The following GRM7 variants were observed in gnomAD, a reference collection of about 807,000 sequenced individuals.
GRM7 encodes glutamate metabotropic receptor 7.
GRM7 carries 35 observed loss-of-function variants against 84.5 expected under a neutral mutation model. The ratio of observed to expected loss-of-function variants is 0.41; its 90% CI spans 0.32 to 0.55. The LOEUF (loss-of-function observed/expected upper bound fraction) is 0.55, where lower values mean the gene tolerates loss of function less well. GRM7 is among the 20% of genes least tolerant of loss of function. GRM7 has a pLI of 0.19. For synonymous variants in GRM7, 487 were observed against 455.1 expected, an observed-to-expected ratio of 1.07 and a Z score of -0.89; for missense variants, 1,003 against 1,194.6, an observed-to-expected ratio of 0.84 and a Z score of 2.36.
chr3:6,997,401 G>A (rs1269122971), intron 1 of GRM7, among the ~76,000 whole-genome samples: 1 of 152,150 alleles, frequency 6.6e-6, no homozygotes, highest in East Asian at 1.9e-4. Context: ...GGACACCTCA[G>A]GAAGCTTACA....
intron 1 of GRM7, among the ~76,000 whole-genome samples, chr3:7,058,245 C>T (rs1006084293): frequency 3.3e-5 from 5 of 151,818 alleles, no homozygotes; most frequent in African/African-American, 1.2e-4. Flanking sequence ...AGATAGAATT[C>T]CCTCTCTAAG....
chr3:7,294,590 C>G (rs566793384), intron 2 of GRM7, among the ~76,000 whole-genome samples: 6 of 151,318 alleles, frequency 4.0e-5, no homozygotes, highest in Admixed American at 2.0e-4. Flanking sequence ...AAATGTTTGG[C>G]TAGAATATCA....
At chr3:7,390,938 C>T (rs1694966154) in intron 4 of GRM7, among the ~76,000 whole-genome samples, 1 of 152,002 alleles carries the variant, frequency 6.6e-6, no homozygotes, top group Non-Finnish European at 1.5e-5. Context: ...TTTTAATTGC[C>T]AGCATTCTTG....
intron 1 of GRM7, among the ~76,000 whole-genome samples, chr3:7,122,126 T>C (rs1559454707): frequency 6.6e-6 from 1 of 152,188 alleles, no homozygotes; most frequent in Non-Finnish European, 1.5e-5. Context: ...TGGTGTTCTG[T>C]TATAGCAGCA....
chr3:7,567,808 T>C (rs1049351884), intron 7 of GRM7, among the ~76,000 whole-genome samples: 15 of 128,784 alleles, frequency 1.2e-4, no homozygotes, highest in African/African-American at 4.2e-4. Flanking sequence ...GGATGACTTA[T>C]ATGCAAGGGT....
chr3:6,918,627 T>A (rs1697021239), intron 1 of GRM7, among the ~76,000 whole-genome samples: 1 of 152,312 alleles, frequency 6.6e-6, no homozygotes, highest in Non-Finnish European at 1.5e-5. Flanking sequence ...GCTCACTACA[T>A]GTCAAGTACT....
At chr3:7,450,732 A>G (rs1300519837) in intron 5 of GRM7, among the ~76,000 whole-genome samples, 1 of 152,006 alleles carries the variant, frequency 6.6e-6, no homozygotes, top group Non-Finnish European at 1.5e-5. Flanking sequence ...AAAAAATCCT[A>G]TACTATATAC....
chr3:7,696,372 C>A (rs1701019876), intron 9 of GRM7, among the ~76,000 whole-genome samples: 1 of 152,142 alleles, frequency 6.6e-6, no homozygotes, highest in Admixed American at 6.5e-5. Context: ...GAACCTAATT[C>A]TTGAAAAGGA....
intron 1 of GRM7, among the ~76,000 whole-genome samples, chr3:7,033,502 ACTT>A (rs1463709533): frequency 1.3e-5 from 2 of 152,056 alleles, no homozygotes; most frequent in African/African-American, 4.8e-5. Context: ...TAACTGTAAA[ACTT>A]CTTCTCATGC....
intron 4 of GRM7, among the ~76,000 whole-genome samples, chr3:7,336,757 G>A (rs1701437032): frequency 6.6e-6 from 1 of 151,452 alleles, no homozygotes; most frequent in East Asian, 1.9e-4. Context: ...GAGCGACCAA[G>A]CTGAGAATGA....
chr3:6,968,523 A>G (rs1168986097), intron 1 of GRM7, among the ~76,000 whole-genome samples: 2 of 152,220 alleles, frequency 1.3e-5, no homozygotes, highest in Non-Finnish European at 2.9e-5. Context: ...TTATTGAGAG[A>G]ATGAAGTGGG....
chr3:7,351,311 T>G (rs1304111190), intron 4 of GRM7, among the ~76,000 whole-genome samples: 1 of 136,290 alleles, frequency 7.3e-6, no homozygotes, highest in Non-Finnish European at 1.5e-5. Flanking sequence ...TCTCCCAATA[T>G]TCACTCAGTT....
chr3:7,304,552 C>T (rs536393553), intron 3 of GRM7, among the ~76,000 whole-genome samples: 84 of 151,662 alleles, frequency 5.5e-4, no homozygotes, highest in Middle Eastern at 3.4e-3. Flanking sequence ...ACTCTATTTT[C>T]TCTGTACGTT....
intron 1 of GRM7, among the ~76,000 whole-genome samples, chr3:6,913,611 C>A (rs141404189): frequency 2.0e-5 from 3 of 152,218 alleles, no homozygotes; most frequent in African/African-American, 7.2e-5. Context: ...TTGCAGACCT[C>A]CTCATTTCTG....
chr3:7,081,484 C>T (rs552877819), intron 1 of GRM7, among the ~76,000 whole-genome samples: 83 of 152,150 alleles, frequency 5.5e-4, no homozygotes, highest in Non-Finnish European at 1.0e-3. Flanking sequence ...GCTTGCACTT[C>T]TCCCTGTCCT....
At chr3:7,150,120 G>T (rs913735069) in intron 2 of GRM7, among the ~76,000 whole-genome samples, 2 of 151,884 alleles carry the variant, frequency 1.3e-5, no homozygotes, top group African/African-American at 2.4e-5. Flanking sequence ...AGAGAGGGGG[G>T]TGCATAGACT....
chr3:7,647,155 AC>A (rs973797089), intron 8 of GRM7, among the ~76,000 whole-genome samples: 2 of 152,124 alleles, frequency 1.3e-5, no homozygotes, highest in African/African-American at 4.8e-5. Flanking sequence ...GTGGGTGTGG[AC>A]CCTCAGCCAG....
intron 6 of GRM7, among the ~76,000 whole-genome samples, chr3:7,453,069 G>T (rs1025849547): frequency 4.8e-5 from 7 of 144,608 alleles, no homozygotes; most frequent in Non-Finnish European, 1.0e-4. Flanking sequence ...TTCTTCTTTG[G>T]TGAATTTAGG....
At chr3:7,156,567 G>C (rs1296553400) in intron 2 of GRM7, among the ~76,000 whole-genome samples, 1 of 152,098 alleles carries the variant, frequency 6.6e-6, no homozygotes, top group Non-Finnish European at 1.5e-5. Context: ...TTCCTTCACA[G>C]GGAGAACGCA....
Sources: gnomAD v4.1 joint callset for allele counts (sites outside exome capture counted in the v4.1 genomes callset) on GRCh38, gnomAD v4.1.1 for gene constraint, MANE v1.5 for transcripts, NCBI Gene and HGNC (gene_info 2026-07-23, HGNC 2026-07-21) for gene names.